The following TAFA5 variants were observed in gnomAD, a reference collection of about 807,000 sequenced individuals.
The protein encoded by TAFA5 is TAFA chemokine like family member 5.
A neutral mutation model predicts 15.3 loss-of-function variants in TAFA5; 6 were observed. The observed-to-expected ratio is 0.39, with a 90% CI of 0.21 to 0.77. TAFA5 has a LOEUF of 0.77. Ranked by LOEUF, TAFA5 falls within the 30% of genes least tolerant of loss-of-function variation. TAFA5 has a pLI of 0.41. For synonymous variants in TAFA5, 103 were observed against 80.7 expected (o/e 1.28, Z -1.48); for missense variants, 161 against 193.1 (o/e 0.83, Z 0.98).
At chr22:48,716,044 T>A (rs1350875086) in intron 3 of TAFA5, among the ~76,000 whole-genome samples, 2 of 152,234 alleles carry the variant, frequency 1.3e-5, no homozygotes, top group Non-Finnish European at 2.9e-5. Flanking sequence ...TTGTCGAAGA[T>A]CAGATGGTTG....
At chr22:48,500,867 G>A (rs73891031) in intron 1 of TAFA5, among the ~76,000 whole-genome samples, 6,473 of 152,244 alleles carry the variant, frequency 0.043, 463 homozygotes, top group African/African-American at 0.15. Flanking sequence ...TGCTTGGTAT[G>A]TGTGCTGTTT....
chr22:48,724,872 G>A (rs892148883), intron 3 of TAFA5, among the ~76,000 whole-genome samples: 1 of 152,248 alleles, frequency 6.6e-6, no homozygotes, highest in Non-Finnish European at 1.5e-5. Context: ...CTCCCAGCCT[G>A]CGGCATGGCA....
intron 2 of TAFA5, among the ~76,000 whole-genome samples, chr22:48,698,038 CGAT>C (rs1928776896): frequency 7.2e-6 from 1 of 137,950 alleles, no homozygotes; most frequent in Non-Finnish European, 1.6e-5. Context: ...ATAATGGTGG[CGAT>C]GGTGGTGGTT....
chr22:48,576,553 G>T (rs767581959), intron 1 of TAFA5: 11 of 1,511,854 alleles, frequency 7.3e-6, no homozygotes, highest in Non-Finnish European at 8.0e-6. Context: ...AGTGATCCAC[G>T]CGCAGTTCCT....
At chr22:48,658,426 C>G (rs898375677) in intron 2 of TAFA5, among the ~76,000 whole-genome samples, 40 of 152,248 alleles carry the variant, frequency 2.6e-4, no homozygotes, top group Admixed American at 1.2e-3. Flanking sequence ...AGCTCCCTGC[C>G]TCTCTGGGTG....
chr22:48,652,056 A>ACAGGAGTG (rs1927073974), intron 2 of TAFA5, among the ~76,000 whole-genome samples: 1 of 152,314 alleles, frequency 6.6e-6, no homozygotes, highest in South Asian at 2.1e-4. Flanking sequence ...GGGTTTAATT[A>ACAGGAGTG]CAGGAGTGCA....
intron 1 of TAFA5, 46 bp from the exon 2 acceptor site, chr22:48,646,551 T>A (rs767601886): frequency 6.3e-7 from 1 of 1,595,810 alleles, no homozygotes; most frequent in East Asian, 2.2e-5. Context: ...GGCTGTGGGG[T>A]GTCTGTAACG....
chr22:48,688,533 C>A (rs1380199365), intron 2 of TAFA5, among the ~76,000 whole-genome samples: 4 of 152,248 alleles, frequency 2.6e-5, no homozygotes. Flanking sequence ...CTCCTGCCCC[C>A]TGAGGGCCAG....
chr22:48,586,458 G>A (rs1464902206), intron 1 of TAFA5, among the ~76,000 whole-genome samples: 3 of 152,230 alleles, frequency 2.0e-5, no homozygotes, highest in Non-Finnish European at 1.5e-5. Context: ...GGAAGGGAAT[G>A]ATAAAAGGAG....
intron 1 of TAFA5, among the ~76,000 whole-genome samples, chr22:48,506,623 C>T (rs1921004389): frequency 6.6e-6 from 1 of 152,208 alleles, no homozygotes; most frequent in South Asian, 2.1e-4. Context: ...AGCCTGTCCT[C>T]ACCTGTGCTA....
At chr22:48,596,195 C>G (rs1301837903) in intron 1 of TAFA5, among the ~76,000 whole-genome samples, 1 of 152,164 alleles carries the variant, frequency 6.6e-6, no homozygotes, top group South Asian at 2.1e-4. Context: ...TGAAAGTTAC[C>G]CAGATAAAGT....
At chr22:48,658,944 C>T (rs560009290) in intron 2 of TAFA5, among the ~76,000 whole-genome samples, 1 of 152,272 alleles carries the variant, frequency 6.6e-6, no homozygotes, top group East Asian at 1.9e-4. Context: ...CTGCAGCGTC[C>T]AAAGAGGTCG....
chr22:48,671,079 A>T (rs973662944), intron 2 of TAFA5, among the ~76,000 whole-genome samples: 1 of 152,132 alleles, frequency 6.6e-6, no homozygotes, highest in African/African-American at 2.4e-5. Context: ...GGAGGAATAG[A>T]CTGTGCCGTA....
intron 2 of TAFA5, chr22:48,693,217 C>T (rs1021855007): frequency 1.7e-5 from 25 of 1,430,284 alleles, no homozygotes; most frequent in Non-Finnish European, 2.4e-5. Flanking sequence ...CTCACTCGTC[C>T]TCAGAGCAGC....
In TAFA5 at chr22:48,686,035, G is replaced by A. The variant is rs368414811; in HGVS notation, c.263-21682G>A. ...ACGTGTGCCCCGGGAGTACATGCAG[G>A]CCCCACGTGTGCCCCGGGAGTTGGA... On this transcript the variant is annotated intron_variant, in intron 2 of 3. Transcript: ENST00000402357. 2.8e-4 allele frequency among the ~76,000 whole-genome samples: 43 copies of A among 152,216 alleles called. No homozygotes were observed. The South Asian group carries it at 8.9e-3, about 32-fold the overall frequency.
intron 2 of TAFA5, among the ~76,000 whole-genome samples, chr22:48,698,981 C>A (rs1225053160): frequency 1.3e-5 from 2 of 150,084 alleles, no homozygotes; most frequent in Admixed American, 6.6e-5. Context: ...TCACTCTGTC[C>A]CCCAGGCTGG....
At chr22:48,710,208 G>A (rs918482104) in intron 3 of TAFA5, among the ~76,000 whole-genome samples, 3 of 152,158 alleles carry the variant, frequency 2.0e-5, no homozygotes, top group African/African-American at 4.8e-5. Flanking sequence ...TAAGGGCAAC[G>A]CTAATTAAAG....
intron 1 of TAFA5, among the ~76,000 whole-genome samples, chr22:48,612,347 G>A (rs1249414306): frequency 7.9e-5 from 12 of 152,222 alleles, no homozygotes; most frequent in Admixed American, 6.5e-5. Flanking sequence ...CAGGCCACGC[G>A]TGTCTCACAG....
At chr22:48,524,870 T>A (rs1428016485) in intron 1 of TAFA5, among the ~76,000 whole-genome samples, 1 of 152,112 alleles carries the variant, frequency 6.6e-6, no homozygotes, top group Non-Finnish European at 1.5e-5. Flanking sequence ...ACCCAGGGCG[T>A]TCCTTCCTGT....
Sources: gnomAD v4.1 joint callset for allele counts (sites outside exome capture counted in the v4.1 genomes callset) on GRCh38, gnomAD v4.1.1 for gene constraint, MANE v1.5 for transcripts, NCBI Gene and HGNC (gene_info 2026-07-23, HGNC 2026-07-21) for gene names.